The following NOS1AP variants were observed in gnomAD, a reference collection of about 807,000 sequenced individuals.
NOS1AP encodes the protein nitric oxide synthase 1 adaptor protein.
A neutral mutation model predicts 56.2 loss-of-function variants in NOS1AP; 21 were observed. The ratio of observed to expected loss-of-function variants is 0.37; its 90% CI spans 0.26 to 0.54. The LOEUF is 0.54. Ranked by LOEUF, NOS1AP falls within the 20% of genes least tolerant of loss-of-function variation. NOS1AP has a pLI of 0.84. For missense variants in NOS1AP, 522 were observed against 657.8 expected (o/e 0.79, Z 2.26); for synonymous variants, 270 against 274.6 (o/e 0.98, Z 0.17).
chr1:162,271,647 C>T (rs979602780), intron 2 of NOS1AP, among the ~76,000 whole-genome samples: 1 of 152,196 alleles, frequency 6.6e-6, no homozygotes, highest in South Asian at 2.1e-4. Context: ...CCAGCCAGCT[C>T]GCTGTTTTCC....
chr1:162,131,974 T>C (rs115454799), intron 1 of NOS1AP, among the ~76,000 whole-genome samples: 3,016 of 152,122 alleles, frequency 0.02, 103 homozygotes, highest in African/African-American at 0.068. Context: ...CAGGATCAAA[T>C]GAGATGTGTG....
At chr1:162,364,209 C>T (rs903277957) in intron 8 of NOS1AP, 23 of 985,374 alleles carry the variant, frequency 2.3e-5, no homozygotes, top group Non-Finnish European at 2.7e-5. Flanking sequence ...CATCCATCTT[C>T]CTGCATCCTC....
chr1:162,363,868 C>T, intron 8 of NOS1AP: 1 of 985,456 alleles, frequency 1.0e-6, no homozygotes, highest in African/African-American at 1.7e-5. Context: ...TCCTTAGCAG[C>T]TTTATGGAGG....
intron 7 of NOS1AP, among the ~76,000 whole-genome samples, chr1:162,356,491 A>T (rs1257354590): frequency 2.0e-5 from 3 of 152,154 alleles, no homozygotes; most frequent in Non-Finnish European, 2.9e-5. Context: ...GCTTCTCCCA[A>T]CAAGGGAGAA....
At chr1:162,242,963 T>A (rs1276320865) in intron 2 of NOS1AP, among the ~76,000 whole-genome samples, 1 of 149,812 alleles carries the variant, frequency 6.7e-6, no homozygotes, top group Non-Finnish European at 1.5e-5. Context: ...TTGCTTTCGG[T>A]TTGAGCTCCT....
At chr1:162,246,579 G>A (rs182235751) in intron 2 of NOS1AP, among the ~76,000 whole-genome samples, 10 of 152,292 alleles carry the variant, frequency 6.6e-5, no homozygotes, top group Admixed American at 2.0e-4. Context: ...ATAGGATTAA[G>A]ATGACCATGA....
chr1:162,165,666 C>G (rs547804743), intron 2 of NOS1AP, among the ~76,000 whole-genome samples: 2 of 152,264 alleles, frequency 1.3e-5, no homozygotes, highest in Admixed American at 6.5e-5. Context: ...ACTCAGAGAT[C>G]CTACAAGAAC....
chr1:162,298,665 C>T (rs757014806), intron 3 of NOS1AP, among the ~76,000 whole-genome samples: 4 of 152,108 alleles, frequency 2.6e-5, no homozygotes, highest in African/African-American at 4.8e-5. Flanking sequence ...ACTCACTATA[C>T]CAGGAATGAG....
At chr1:162,290,396 A>C (rs1655250085) in intron 3 of NOS1AP, among the ~76,000 whole-genome samples, 1 of 152,206 alleles carries the variant, frequency 6.6e-6, no homozygotes, top group African/African-American at 2.4e-5. Context: ...TCTTGTTCTC[A>C]TATGACAGTT....
intron 3 of NOS1AP, 151 bp from the exon 4 acceptor site, chr1:162,300,482 T>C (rs761149679): frequency 3.2e-5 from 23 of 714,688 alleles, no homozygotes; most frequent in Admixed American, 3.0e-4. Flanking sequence ...CTTGATATTT[T>C]GCACTCGTCG....
intron 4 of NOS1AP, among the ~76,000 whole-genome samples, chr1:162,303,697 C>G (rs529572774): frequency 6.6e-6 from 1 of 152,304 alleles, no homozygotes; most frequent in South Asian, 2.1e-4. Context: ...CCATCTCAGC[C>G]TCCCATAGTG....
At chr1:162,164,018 G>A (rs540200101) in intron 2 of NOS1AP, among the ~76,000 whole-genome samples, 1 of 152,294 alleles carries the variant, frequency 6.6e-6, no homozygotes, top group South Asian at 2.1e-4. Flanking sequence ...GCCAGGAGTT[G>A]TTGTCAAAGC....
chr1:162,071,099 G>A (rs534840617), intron 1 of NOS1AP, among the ~76,000 whole-genome samples: 2 of 152,216 alleles, frequency 1.3e-5, no homozygotes, highest in South Asian at 4.1e-4. Flanking sequence ...TGCAGTGGCG[G>A]TTCCCACTGC....
intron 2 of NOS1AP, among the ~76,000 whole-genome samples, chr1:162,214,603 C>A (rs1033514464): frequency 1.4e-4 from 22 of 152,246 alleles, no homozygotes; most frequent in Admixed American, 8.5e-4. Flanking sequence ...GGCTGATTAA[C>A]CCTCCTTTAC....
At position 162,224,406 on chromosome 1, in the gene NOS1AP, A is replaced by G. The variant is rs544644805; in HGVS notation, c.178-62938A>G. Reference sequence around the variant, plus strand: ...TTACTTCATTACCTTGGTTAAAACAATAAACTTTTTTGACAGAGGAGATCA... The same window carrying G: ...TTACTTCATTACCTTGGTTAAAACAGTAAACTTTTTTGACAGAGGAGATCA... On this transcript the variant is annotated intron_variant, in intron 2 of 9. Transcript: ENST00000361897. Among the ~76,000 whole-genome samples, 22 of 152,314 alleles carry G rather than the reference A, an allele frequency of 1.4e-4. 1 individual carries two copies. In the South Asian group the frequency reaches 3.9e-3, roughly 27 times the overall value.
rs367586908 is a variant in NOS1AP at position 162,078,324 on chromosome 1, C to T, written c.105+8042C>T. Among the ~76,000 whole-genome samples, 115 of 152,298 alleles carry T rather than the reference C, an allele frequency of 7.6e-4. 4 individuals carry two copies. The South Asian group carries it at 0.022, about 29-fold the overall frequency. ...CTCTTCTGACTTCATTGTCTTTTAA[C>T]GACCCCACCATCCTCTTGGGCACAT... On this transcript the variant is annotated intron_variant, in intron 1 of 9. Transcript: ENST00000361897.
chr1:162,357,199 T>TA (rs1010904082), intron 8 of NOS1AP, 63 bp downstream of exon 8: 1 of 1,573,064 alleles, frequency 6.4e-7, no homozygotes, highest in African/African-American at 1.4e-5. Flanking sequence ...GCACCTTCCC[T>TA]AGCGAGGGGC....
chr1:162,199,580 A>G (rs1171550478), intron 2 of NOS1AP, among the ~76,000 whole-genome samples: 4 of 150,682 alleles, frequency 2.7e-5, no homozygotes, highest in Non-Finnish European at 5.9e-5. Context: ...ATTCTGGACA[A>G]CAGAGCATGG....
At chr1:162,359,259 C>CA (rs1449113516) in intron 8 of NOS1AP, among the ~76,000 whole-genome samples, 1 of 152,152 alleles carries the variant, frequency 6.6e-6, no homozygotes. Context: ...AAAAGGCCAC[C>CA]ATACTGCATC....
Sources: allele counts gnomAD v4.1 joint callset (sites outside exome capture counted in the v4.1 genomes callset), GRCh38; gene constraint gnomAD v4.1.1; transcripts MANE v1.5; gene names NCBI Gene and HGNC (gene_info 2026-07-23, HGNC 2026-07-21).